CHID1: variants seen among roughly 807,000 people sequenced by gnomAD.
CHID1 encodes the protein chitinase domain containing 1.
In CHID1, 44 loss-of-function variants were observed where a neutral mutation model predicts 55.4. The observed-to-expected ratio is 0.79, with a 90% confidence interval of 0.62 to 1.02. The LOEUF is 1.02. CHID1 is among the 50% of genes least tolerant of loss of function. The probability of loss-of-function intolerance (pLI) is 0.00; values close to 1 mark genes in which losing one functional copy is unlikely to be tolerated. For synonymous variants in CHID1, 216 were observed against 212.9 expected, an observed-to-expected ratio of 1.01 and a Z score of -0.13; for missense variants, 491 against 515.3, an observed-to-expected ratio of 0.95 and a Z score of 0.46.
At chr11:886,153 AAAAAG>A (rs1290026923) in intron 8 of CHID1, among the ~76,000 whole-genome samples, 5 of 83,892 alleles carry the variant, frequency 6.0e-5, no homozygotes, top group Admixed American at 1.3e-4. Flanking sequence ...TCCGTCTCAA[AAAAAG>A]AAAAAAAAAA....
intron 7 of CHID1, among the ~76,000 whole-genome samples, chr11:897,677 TC>T (rs1212457925): frequency 2.0e-5 from 3 of 152,090 alleles, no homozygotes; most frequent in African/African-American, 7.2e-5. Flanking sequence ...CCTCCCAGCC[TC>T]CCTTCACACA....
At chr11:903,583 C>T (rs1289996305) in intron 2 of CHID1, 1 of 212,372 alleles carries the variant, frequency 4.7e-6, no homozygotes, top group Non-Finnish European at 9.6e-6. Flanking sequence ...GAGTTGGAGA[C>T]CAGCCTGGTC....
chr11:870,055 C>A (rs1385889281), intron 12 of CHID1, 66 bp downstream of exon 12: 2 of 1,608,942 alleles, frequency 1.2e-6, no homozygotes, highest in Non-Finnish European at 8.5e-7. Context: ...GGACCCCAGG[C>A]CAGTGCCTGC....
chr11:876,786 C>G (rs1455595636), intron 10 of CHID1, among the ~76,000 whole-genome samples: 1 of 152,238 alleles, frequency 6.6e-6, no homozygotes, highest in African/African-American at 2.4e-5. Flanking sequence ...GGAGGTGGCC[C>G]TGCTGAGCTG....
chr11:881,802 G>T (rs1438010277), intron 10 of CHID1, among the ~76,000 whole-genome samples: 4 of 151,588 alleles, frequency 2.6e-5, no homozygotes, highest in African/African-American at 9.7e-5. Flanking sequence ...AGGAATTTGA[G>T]ACCAGCCTCG....
intron 2 of CHID1, among the ~76,000 whole-genome samples, chr11:904,371 A>C (rs1273122562): frequency 6.6e-6 from 1 of 152,222 alleles, no homozygotes; most frequent in African/African-American, 2.4e-5. Context: ...AGGCCATGAT[A>C]AAGACAGCAA....
chr11:898,380 C>G (rs1851538078), intron 7 of CHID1, among the ~76,000 whole-genome samples: 2 of 152,146 alleles, frequency 1.3e-5, no homozygotes, highest in African/African-American at 2.4e-5. Context: ...ATTCCAGAAC[C>G]CACGGCTCAC....
intron 9 of CHID1, 76 bp downstream of exon 9, chr11:883,992 G>A: frequency 8.5e-7 from 1 of 1,171,878 alleles, no homozygotes; most frequent in East Asian, 2.4e-5. Context: ...GCTGTGCCCA[G>A]GAGCCCCCCA....
Position 870,136 on chromosome 11 carries a change from G to A in CHID1, c.1068C>T (p.Phe356=), listed in dbSNP as rs115994760. ...GCACACGCACCTTCAGGGTTGGGTAGAAGACGACGTGCCTCCCACTGCGGC... is the reference window on the plus strand; with the variant it reads ...GCACACGCACCTTCAGGGTTGGGTAAAAGACGACGTGCCTCCCACTGCGGC... ...KKSRSGRHVV[F]YPTLKSLQVR... is the part of the protein sequence containing the mutation. The change falls in exon 12 of 13, where the codon TTC becomes TTT. Residue 356 remains phenylalanine (F), a synonymous_variant. Coordinates refer to ENST00000323578, the MANE Select transcript of CHID1 (RefSeq NM_023947.4). 980 of 1,613,064 alleles carry A rather than the reference G, an allele frequency of 6.1e-4. 6 individuals are homozygous for A. The African/African-American group carries it at 0.012, about 19-fold the overall frequency.
intron 7 of CHID1, among the ~76,000 whole-genome samples, chr11:894,422 C>A (rs1165586371): frequency 1.3e-5 from 2 of 152,188 alleles, no homozygotes; most frequent in African/African-American, 4.8e-5. Context: ...CCGTCAGGAC[C>A]CCAGGCCGGC....
chr11:890,238 C>T (rs1191779556), intron 8 of CHID1, among the ~76,000 whole-genome samples: 1 of 152,248 alleles, frequency 6.6e-6, no homozygotes, highest in Non-Finnish European at 1.5e-5. Flanking sequence ...CCACAGAGGC[C>T]TCAACACACA....
Position 904,643 on chromosome 11 carries a change from G to A in CHID1, c.111+63C>T, listed in dbSNP as rs1589901005. The A allele has an allele frequency of 1.4e-5, 23 of 1,592,810 alleles. No individual in the cohort carries two copies. In the East Asian group the frequency reaches 5.1e-4, roughly 36 times the overall value. On this transcript the variant is annotated intron_variant, in intron 2 of 12. Transcript: ENST00000323578. Reference sequence around the variant, plus strand: ...GCTCACAGGCCCCAGTGGACAGAAAGAAGAGGATGATGGATCAGCCCTCAG... The same window carrying A: ...GCTCACAGGCCCCAGTGGACAGAAAAAAGAGGATGATGGATCAGCCCTCAG...
chr11:891,123 C>A, intron 8 of CHID1, among the ~76,000 whole-genome samples: 1 of 152,150 alleles, frequency 6.6e-6, no homozygotes, highest in East Asian at 1.9e-4. Context: ...GACAAAACAG[C>A]CCTCCTCACC....
At chr11:914,367 C>A, upstream of CHID1, 1 of 423,536 alleles carries the variant, frequency 2.4e-6, no homozygotes, top group East Asian at 7.7e-5. Flanking sequence ...CAGGTCTGAC[C>A]TGCCCTGAGG....
chr11:897,583 C>T (rs948726705), intron 7 of CHID1, among the ~76,000 whole-genome samples: 7 of 152,234 alleles, frequency 4.6e-5, no homozygotes, highest in African/African-American at 7.2e-5. Context: ...CCTGATCCTC[C>T]GGCAAAGCTG....
chr11:904,263 G>A (rs1190076427), intron 2 of CHID1, among the ~76,000 whole-genome samples: 1 of 152,214 alleles, frequency 6.6e-6, no homozygotes, highest in East Asian at 1.9e-4. Flanking sequence ...GGACTGCTGG[G>A]GCTGAGAGGT....
At chr11:910,508 C>T in intron 1 of CHID1, 2 of 824,736 alleles carry the variant, frequency 2.4e-6, no homozygotes, top group Non-Finnish European at 3.2e-6. Flanking sequence ...GCGGTCCCCC[C>T]GACACGCGCC....
At chr11:898,839 G>A (rs899025976) in intron 7 of CHID1, among the ~76,000 whole-genome samples, 1 of 152,180 alleles carries the variant, frequency 6.6e-6, no homozygotes, top group African/African-American at 2.4e-5. Context: ...GCCGCCTCCC[G>A]GTGGAGTGGA....
upstream of CHID1, among the ~76,000 whole-genome samples, chr11:912,684 A>G (rs1469948167): frequency 6.6e-6 from 1 of 152,038 alleles, no homozygotes; most frequent in Non-Finnish European, 1.5e-5. Flanking sequence ...CTCTACTAAA[A>G]ATACGAAAAA....
Sources: gnomAD v4.1 joint callset for allele counts (sites outside exome capture counted in the v4.1 genomes callset) on GRCh38, gnomAD v4.1.1 for gene constraint, MANE v1.5 for transcripts, NCBI Gene and HGNC (gene_info 2026-07-23, HGNC 2026-07-21) for gene names.